The following PASD1 variants were observed in gnomAD, a reference collection of about 807,000 sequenced individuals.
PASD1 encodes the protein PAS domain containing repressor 1.
PASD1 carries 13 observed loss-of-function variants against 58.8 expected under a neutral mutation model. That is an observed-to-expected ratio of 0.22 (90% confidence interval 0.14 to 0.35). The LOEUF is 0.35. Ranked by LOEUF, PASD1 falls within the 10% of genes least tolerant of loss-of-function variation. The probability of loss-of-function intolerance (pLI) is 1.00; values close to 1 mark genes in which losing one functional copy is unlikely to be tolerated. For missense variants in PASD1, 734 were observed against 568.3 expected, an observed-to-expected ratio of 1.29 and a Z score of -2.96; for synonymous variants, 236 against 216.7, an observed-to-expected ratio of 1.09 and a Z score of -0.78.
At chrX:151,671,443 T>C in intron 12 of PASD1, 130 bp from the exon 13 acceptor site, 7 of 863,026 alleles carry the variant, frequency 8.1e-6, no homozygotes, top group Non-Finnish European at 1.2e-5. Context: ...ATGGTAGATG[T>C]GGCTTATATA....
intron 1 of PASD1, among the ~76,000 whole-genome samples, chrX:151,583,859 A>T (rs2013129910): frequency 8.9e-6 from 1 of 111,988 alleles, no homozygotes; most frequent in Non-Finnish European, 1.9e-5. Flanking sequence ...TCCCAGTCCT[A>T]GAAGAATTCA....
At chrX:151,632,897 C>CT (rs1367097488) in intron 8 of PASD1, among the ~76,000 whole-genome samples, 2 of 110,040 alleles carry the variant, frequency 1.8e-5, no homozygotes, top group African/African-American at 6.6e-5. Context: ...GAAATAAGAT[C>CT]TATATGTTTT....
chrX:151,619,630 C>T (rs58631625), intron 4 of PASD1, among the ~76,000 whole-genome samples: 1 of 111,500 alleles, frequency 9.0e-6, no homozygotes, highest in African/African-American at 3.3e-5. Context: ...TCAATTGCAT[C>T]AAATGCTGAG....
chrX:151,625,681 T>TG (rs1229269695), intron 8 of PASD1, 151 bp downstream of exon 8: 1 of 476,617 alleles, frequency 2.1e-6, no homozygotes, highest in East Asian at 3.7e-5. Flanking sequence ...TGGTGGCTCA[T>TG]GCCTGTAGTC....
At chrX:151,675,336 C>T (rs934049638) in intron 15 of PASD1, among the ~76,000 whole-genome samples, 2 of 111,618 alleles carry the variant, frequency 1.8e-5, no homozygotes, top group Non-Finnish European at 3.8e-5. Context: ...CTGGCTTATC[C>T]CTACTGCCTT....
At chrX:151,589,830 G>A (rs1024499574) in intron 1 of PASD1, among the ~76,000 whole-genome samples, 3 of 112,292 alleles carry the variant, frequency 2.7e-5, no homozygotes, top group Admixed American at 9.4e-5. Context: ...CTTGCTCATT[G>A]TTCTATCACT....
chrX:151,603,048 G>A (rs1319190998), intron 2 of PASD1, among the ~76,000 whole-genome samples: 2 of 112,307 alleles, frequency 1.8e-5, no homozygotes, highest in Admixed American at 1.9e-4. Flanking sequence ...TTGATCACCC[G>A]ATCTTACGAA....
intron 9 of PASD1, among the ~76,000 whole-genome samples, chrX:151,658,637 C>G (rs1044525003): frequency 3.6e-5 from 4 of 111,985 alleles, no homozygotes; most frequent in African/African-American, 1.3e-4. Context: ...ACATCCCCAG[C>G]AACATATCAC....
Position 151,672,578 on chromosome X carries a change from T to C in PASD1, c.1833T>C (p.Val611=). 8.3e-7 allele frequency: 1 copy of C among 1,212,026 alleles called. No individual in the cohort carries two copies. Among genetic ancestry groups the C allele is most frequent in the Non-Finnish European group, 1.1e-6 (1 of 895,595 alleles). Residue 611 remains valine, a synonymous_variant, in exon 14 of 16, where the codon GTT becomes GTC. Transcript: ENST00000370357. Reference sequence around the variant, plus strand: ...GATTTTTACAGGCCCAACCCATTGTTCCTGTCCAGAGAGCAGCTGAACAAC... The same window carrying C: ...GATTTTTACAGGCCCAACCCATTGTCCCTGTCCAGAGAGCAGCTGAACAAC... ...PVRFLQAQPI[V]PVQRAAEQQP...
chrX:151,634,549 T>C (rs1382496667), intron 8 of PASD1, among the ~76,000 whole-genome samples: 1 of 111,333 alleles, frequency 9.0e-6, no homozygotes, highest in African/African-American at 3.3e-5. Context: ...AGTTGTCATA[T>C]GTCTTTAAAC....
At chrX:151,664,936 A>G (rs10482212) in intron 11 of PASD1, among the ~76,000 whole-genome samples, 24,886 of 111,597 alleles carry the variant, frequency 0.22, 2,167 homozygotes, top group Middle Eastern at 0.4. Flanking sequence ...GTGTGTACAT[A>G]ACCACAGATT....
chrX:151,650,928 AAG>A (rs1329543816), intron 9 of PASD1, among the ~76,000 whole-genome samples: 4 of 111,326 alleles, frequency 3.6e-5, no homozygotes, highest in Non-Finnish European at 7.5e-5. Context: ...AGTCCTAGAG[AAG>A]AGAGAGCTGC....
chrX:151,671,190 C>T lies in PASD1; in HGVS notation c.1224C>T (p.His408=), dbSNP rs369849468. ...ATGCATTGGAATTGATGATGGATCA[C>T]CTTCAGGTCAGTCAGGATGCTAGGT... ...QQNALELMMD[H]LQKQPNTLRH... Residue 408 remains histidine, a synonymous_variant, in exon 12 of 16, where the codon CAC becomes CAT. Transcript: ENST00000370357. 3 of 1,210,270 alleles carry T rather than the reference C, an allele frequency of 2.5e-6. No homozygotes were observed. The highest frequency in any genetic ancestry group is 1.7e-5 in the African/African-American group (1 of 57,762).
chrX:151,630,723 A>G (rs1362240843), intron 8 of PASD1, among the ~76,000 whole-genome samples: 1 of 113,019 alleles, frequency 8.8e-6, no homozygotes, highest in East Asian at 2.8e-4. Flanking sequence ...TTTTAAGATT[A>G]AGAAGCATCC....
At chrX:151,671,421 C>T in intron 12 of PASD1, 152 bp from the exon 13 acceptor site, 1 of 798,416 alleles carries the variant, frequency 1.3e-6, no homozygotes, top group Non-Finnish European at 1.8e-6. Context: ...TTGGCCCAGC[C>T]AGGCCTTGGC....
Position 151,623,123 on chromosome X carries a change from T to C in PASD1, c.546+59T>C, listed in dbSNP as rs923560785. 1.1e-5 allele frequency: 13 copies of C among 1,163,495 alleles called. No homozygotes were observed. The South Asian group carries it at 2.3e-4, about 21-fold the overall frequency. ...GGCGATGTGGGCTTCCTTTGAAGGG[T>C]CACTTCCCCTTTGGTCTGTCAGCCA... On this transcript the variant is annotated intron_variant, in intron 7 of 15. Coordinates refer to ENST00000370357, the MANE Select transcript of PASD1 (RefSeq NM_173493.3).
intron 3 of PASD1, 117 bp from the exon 4 acceptor site, chrX:151,611,547 T>C (rs2013558112): frequency 6.6e-6 from 3 of 457,824 alleles, no homozygotes; most frequent in Middle Eastern, 4.7e-4. Context: ...TTTATTGATA[T>C]TTAAGGACTG....
chrX:151,654,503 TA>T (rs1462136349), intron 9 of PASD1, among the ~76,000 whole-genome samples: 60 of 111,122 alleles, frequency 5.4e-4, no homozygotes, highest in African/African-American at 2.0e-3. Flanking sequence ...GTTAAGAGAT[TA>T]GGGGAAAAAA....
At chrX:151,585,708 C>T (rs1482367688) in intron 1 of PASD1, among the ~76,000 whole-genome samples, 2 of 111,444 alleles carry the variant, frequency 1.8e-5, no homozygotes, top group Non-Finnish European at 3.8e-5. Flanking sequence ...ATTGACTTGG[C>T]AACCATCATT....
Sources: allele counts gnomAD v4.1 joint callset (sites outside exome capture counted in the v4.1 genomes callset), GRCh38; gene constraint gnomAD v4.1.1; transcripts MANE v1.5; gene names NCBI Gene and HGNC (gene_info 2026-07-23, HGNC 2026-07-21).